The following RFC1 variants were observed in gnomAD, a reference collection of about 807,000 sequenced individuals.
RFC1 encodes replication factor C subunit 1, also known as A1 140 kDa subunit.
A neutral mutation model predicts 137.4 loss-of-function variants in RFC1; 37 were observed. The observed-to-expected ratio is 0.27, with a 90% CI of 0.21 to 0.35. RFC1 has a LOEUF of 0.35. Among genes scored for constraint, RFC1 ranks in the 10% least tolerant of loss-of-function variants. The probability of loss-of-function intolerance (pLI) is 1.00; values close to 1 mark genes in which losing one functional copy is unlikely to be tolerated. For missense variants in RFC1, 1,205 were observed against 1,358.5 expected, an observed-to-expected ratio of 0.89 and a Z score of 1.78; for synonymous variants, 429 against 455.7, an observed-to-expected ratio of 0.94 and a Z score of 0.75.
chr4:39,359,331 A>T (rs1741632877), intron 1 of RFC1, among the ~76,000 whole-genome samples: 1 of 152,236 alleles, frequency 6.6e-6, no homozygotes, highest in African/African-American at 2.4e-5. Flanking sequence ...ATCAACAAGT[A>T]GATAAAGAAA....
chr4:39,312,952 G>A, intron 10 of RFC1, 21 bp from the exon 11 acceptor site: 1 of 1,571,518 alleles, frequency 6.4e-7, no homozygotes. Flanking sequence ...AAATGTTCAA[G>A]CAGAGAGGAA....
At chr4:39,294,335 G>C (rs1470406061) in intron 22 of RFC1, among the ~76,000 whole-genome samples, 5 of 152,204 alleles carry the variant, frequency 3.3e-5, no homozygotes, top group African/African-American at 1.2e-4. Context: ...TCCTTCCAGG[G>C]ACCAGATGGC....
intron 4 of RFC1, among the ~76,000 whole-genome samples, chr4:39,328,375 G>A (rs1354751835): frequency 6.6e-6 from 1 of 152,126 alleles, no homozygotes; most frequent in Admixed American, 6.5e-5. Context: ...AGAGGAAACA[G>A]ATATACAAAT....
At chr4:39,328,664 G>C (rs1739912334) in intron 4 of RFC1, among the ~76,000 whole-genome samples, 1 of 152,170 alleles carries the variant, frequency 6.6e-6, no homozygotes, top group Non-Finnish European at 1.5e-5. Context: ...GGGTGAAAGA[G>C]GTAGGGGCCA....
At chr4:39,336,533 C>T (rs1359391160) in intron 4 of RFC1, among the ~76,000 whole-genome samples, 2 of 152,246 alleles carry the variant, frequency 1.3e-5, no homozygotes, top group South Asian at 2.1e-4. Flanking sequence ...AAAGTATCCA[C>T]CAAATTCTCT....
In RFC1 at chr4:39,303,166, G is replaced by C. The variant is rs763103787; in HGVS notation, c.2111-15C>G. On this transcript the variant is annotated splice_polypyrimidine_tract_variant and intron_variant, in intron 15 of 24. Coordinates refer to ENST00000349703, the MANE Select transcript of RFC1 (RefSeq NM_002913.5). ...GGCTGCTCCATCTGACCCAGGTTGA[G>C]GAGCAATGGGATGAGACAAAAACAA... is the stretch of plus-strand genomic sequence containing the variant. 8 of 1,574,482 alleles carry C rather than the reference G, an allele frequency of 5.1e-6. No individual in the cohort carries two copies. Among genetic ancestry groups the C allele is most frequent in the Non-Finnish European group, 7.0e-6 (8 of 1,144,348 alleles).
At chr4:39,358,531 T>C (rs1741594481) in intron 1 of RFC1, among the ~76,000 whole-genome samples, 1 of 152,162 alleles carries the variant, frequency 6.6e-6, no homozygotes, top group African/African-American at 2.4e-5. Context: ...ACGCGCTATA[T>C]GGCAGTTCCC....
In RFC1 at chr4:39,345,420, C is replaced by T; in HGVS notation, c.189G>A (p.Lys63=). The T allele has an allele frequency of 6.2e-7, 1 of 1,613,886 alleles. No individual in the cohort carries two copies. The highest frequency in any genetic ancestry group is 8.5e-7 in the Non-Finnish European group (1 of 1,179,900). Residue 63 remains lysine, a synonymous_variant, in exon 3 of 25, where the codon AAG becomes AAA. Transcript: ENST00000349703. ...DFKQKQPSKK[K]RIIYDSDSES... ...TATTACCTGAATCATAGATGATCCT[C>T]TTTTTCTTGCTTGGTTGCTTTTGTT... is the stretch of plus-strand genomic sequence containing the variant.
chr4:39,316,127 G>A (rs1249160426), intron 10 of RFC1, among the ~76,000 whole-genome samples: 1 of 152,224 alleles, frequency 6.6e-6, no homozygotes. Context: ...CAACTCCAGA[G>A]GCTGAGGCAG....
At chr4:39,352,066 C>T (rs556218699) in intron 1 of RFC1, among the ~76,000 whole-genome samples, 4 of 151,674 alleles carry the variant, frequency 2.6e-5, no homozygotes, top group Non-Finnish European at 5.9e-5. Context: ...GATATTTTTG[C>T]TAATGACATC....
chr4:39,321,494 T>C, intron 7 of RFC1, 120 bp from the exon 8 acceptor site: 5 of 760,376 alleles, frequency 6.6e-6, no homozygotes, highest in Non-Finnish European at 1.0e-5. Context: ...GACACTACAA[T>C]AAACTGTCAT....
At chr4:39,353,875 G>A (rs570393658) in intron 1 of RFC1, among the ~76,000 whole-genome samples, 1 of 152,314 alleles carries the variant, frequency 6.6e-6, no homozygotes, top group Admixed American at 6.5e-5. Context: ...GTTAAAGCAA[G>A]TGGTGGTTTT....
chr4:39,350,750 A>G (rs531301716), intron 2 of RFC1, among the ~76,000 whole-genome samples: 94 of 152,358 alleles, frequency 6.2e-4, no homozygotes, highest in Admixed American at 1.1e-3. Context: ...AAATTCTTCA[A>G]GTTGAAAGAA....
chr4:39,296,581 C>G (rs1333735159), intron 21 of RFC1, among the ~76,000 whole-genome samples: 1 of 150,944 alleles, frequency 6.6e-6, no homozygotes, highest in Non-Finnish European at 1.5e-5. Flanking sequence ...AGGACATGAA[C>G]TCATCATTTT....
At chr4:39,346,072 A>G (rs957197779) in intron 2 of RFC1, among the ~76,000 whole-genome samples, 3 of 152,262 alleles carry the variant, frequency 2.0e-5, no homozygotes, top group Non-Finnish European at 1.5e-5. Context: ...TACAACAAAG[A>G]ATAAAAGGAT....
rs17288412 is a variant in RFC1 at position 39,308,572 on chromosome 4, G to A, written c.1885+64C>T. ...TGAATCGTTAGATTTTCTCATATAT[G>A]TGCCACTGAGCAATCACATGTTGAT... On this transcript the variant is annotated intron_variant, in intron 13 of 24. Coordinates refer to ENST00000349703, the MANE Select transcript of RFC1 (RefSeq NM_002913.5). The A allele has an allele frequency of 6.2e-4, 954 of 1,530,628 alleles. 7 individuals are homozygous for A. In the African/African-American group the frequency reaches 0.012, roughly 19 times the overall value. The allele number at this position is 1,530,628 out of a possible 1,614,324, so 94.8% of individuals were successfully genotyped here.
Position 39,291,826 on chromosome 4 carries a change from T to C in RFC1, c.2981A>G (p.Asn994Ser), listed in dbSNP as rs1737695340. Residue 994 changes from asparagine (N) to serine (S), a missense_variant, in exon 23 of 25, where the codon AAC becomes AGC. This residue lies in a region of RFC1 where 237 missense variants were observed against 304.2 expected (regional missense o/e 0.78). Transcript: ENST00000349703. ...CCTTAGAAGCGACAGATAATCCATG[T>C]TTACAGTCCTTTTGCTGGAGTAAGT... is the stretch of plus-strand genomic sequence containing the variant. ...LRTYSSKRTV[N>S]MDYLSLLRDA... 6.2e-7 allele frequency: 1 copy of C among 1,614,108 alleles called. No homozygotes were observed. Among genetic ancestry groups the C allele is most frequent in the Admixed American group, 1.7e-5 (1 of 60,026 alleles).
rs1160489547 is a variant in RFC1 at position 39,299,626 on chromosome 4, AAAAG to A, written c.2808+391_2808+394del. ...ACACTGTCTCAAAAAAAAAAAAAAA[AAAAG>A]AAAGAAAGAAAAAAGAAAAATAAGG... On this transcript the variant is annotated intron_variant, in intron 21 of 24. Transcript: ENST00000349703. Among the ~76,000 whole-genome samples the A allele has an allele frequency of 7.9e-5, 12 of 151,544 alleles. No homozygotes were observed. In the East Asian group the frequency reaches 1.4e-3, roughly 17 times the overall value.
At chr4:39,350,193 A>G (rs975873954) in intron 2 of RFC1, among the ~76,000 whole-genome samples, 4 of 152,186 alleles carry the variant, frequency 2.6e-5, no homozygotes, top group Non-Finnish European at 5.9e-5. Flanking sequence ...AGACAGAAAG[A>G]GAAAGTACTC....
Sources: gnomAD v4.1 joint callset for allele counts (sites outside exome capture counted in the v4.1 genomes callset) on GRCh38, gnomAD v4.1.1 for gene constraint, gnomAD v4.1.1 regional missense constraint, MANE v1.5 for transcripts, NCBI Gene and HGNC (gene_info 2026-07-23, HGNC 2026-07-21) for gene names.